COL15A1: variants seen among roughly 807,000 people sequenced by gnomAD.
COL15A1 encodes collagen alpha-1(XV) chain.
In COL15A1, 111 loss-of-function variants were observed where a neutral mutation model predicts 165.9. That is an observed-to-expected ratio of 0.67 (90% CI 0.57 to 0.78). The LOEUF is 0.78. Ranked by LOEUF, COL15A1 falls within the 30% of genes least tolerant of loss-of-function variation. The pLI is 0.00. For synonymous variants in COL15A1, 659 were observed against 674.8 expected (o/e 0.98, Z 0.36); for missense variants, 1,745 against 1,789.7 (o/e 0.98, Z 0.45).
intron 5 of COL15A1, among the ~76,000 whole-genome samples, chr9:98,991,633 C>T (rs1437575030): frequency 6.6e-6 from 1 of 152,100 alleles, no homozygotes; most frequent in African/African-American, 2.4e-5. Flanking sequence ...GTTTACAAAC[C>T]TTGAGCTAGA....
intron 35 of COL15A1, among the ~76,000 whole-genome samples, chr9:99,058,597 T>C (rs559692964): frequency 6.6e-6 from 1 of 152,342 alleles, no homozygotes; most frequent in Admixed American, 6.5e-5. Flanking sequence ...GGATTGCTTC[T>C]CACATAATGT....
chr9:99,066,744 G>A, intron 39 of COL15A1, 138 bp from the exon 40 acceptor site: 1 of 695,650 alleles, frequency 1.4e-6, no homozygotes, highest in East Asian at 2.7e-5. Flanking sequence ...TCCAATGTCA[G>A]GGAGGGATTG....
At chr9:98,986,763 T>A (rs963592310) in intron 3 of COL15A1, among the ~76,000 whole-genome samples, 24 of 152,066 alleles carry the variant, frequency 1.6e-4, no homozygotes, top group African/African-American at 5.6e-4. Context: ...TTATCTGGAG[T>A]AGAGTGAAAG....
intron 35 of COL15A1, among the ~76,000 whole-genome samples, chr9:99,057,699 G>A (rs540273539): frequency 2.0e-5 from 3 of 152,138 alleles, no homozygotes; most frequent in Non-Finnish European, 4.4e-5. Context: ...TAGCTCCAAA[G>A]CCTGTGTTAT....
At chr9:98,953,646 G>T (rs753059061) in intron 2 of COL15A1, among the ~76,000 whole-genome samples, 48 of 152,270 alleles carry the variant, frequency 3.2e-4, no homozygotes, top group Admixed American at 8.5e-4. Context: ...TATTCTGAGG[G>T]CCCTGGTATC....
chr9:98,969,635 CATAGGGAGGGAGTCAGGGCAATGGGA>C (rs1838014030), intron 2 of COL15A1, among the ~76,000 whole-genome samples: 1 of 152,166 alleles, frequency 6.6e-6, no homozygotes, highest in African/African-American at 2.4e-5. Context: ...TGCCCCCAGC[CATAGGGAGGGAGTCAGGGCAATGGGA>C]ATAGAGAGGC....
chr9:98,982,944 C>G (rs1402832416), intron 2 of COL15A1, among the ~76,000 whole-genome samples: 1 of 152,172 alleles, frequency 6.6e-6, no homozygotes, highest in Non-Finnish European at 1.5e-5. Context: ...CCATGATATC[C>G]ACCACTTTTT....
intron 16 of COL15A1, among the ~76,000 whole-genome samples, chr9:99,026,357 G>A (rs536937134): frequency 1.1e-4 from 16 of 152,110 alleles, no homozygotes; most frequent in African/African-American, 2.9e-4. Context: ...CTTCTCATTC[G>A]CACGGTGGCC....
intron 35 of COL15A1, among the ~76,000 whole-genome samples, chr9:99,057,927 G>A (rs930500666): frequency 5.9e-5 from 9 of 152,206 alleles, no homozygotes; most frequent in African/African-American, 1.9e-4. Context: ...TGATAGAAAC[G>A]TAACTCAAAG....
At chr9:99,049,609 C>G in intron 28 of COL15A1, 81 bp from the exon 29 acceptor site, 2 of 1,571,576 alleles carry the variant, frequency 1.3e-6, no homozygotes, top group South Asian at 1.1e-5. Context: ...TCCTTTCCTT[C>G]CTCTGGAGGA....
intron 2 of COL15A1, 64 bp from the exon 3 acceptor site, chr9:98,985,501 T>C (rs1838293746): frequency 2.0e-6 from 3 of 1,468,900 alleles, no homozygotes; most frequent in Non-Finnish European, 2.7e-6. Context: ...ACTGCGTTTC[T>C]TCCTCATTTT....
chr9:98,986,445 T>G (rs1234629465), intron 3 of COL15A1: 1 of 222,358 alleles, frequency 4.5e-6, no homozygotes, highest in Non-Finnish European at 8.9e-6. Context: ...TTTTAAGATT[T>G]TATATAAAAG....
At chr9:99,003,379 G>A (rs1423498949) in intron 7 of COL15A1, 74 bp from the exon 8 acceptor site, 1 of 1,237,618 alleles carries the variant, frequency 8.1e-7, no homozygotes, top group East Asian at 2.8e-5. Flanking sequence ...AGGCTAGGCA[G>A]TCTGTTCTCA....
chr9:99,015,381 G>A (rs752093455), intron 9 of COL15A1, 36 bp from the exon 10 acceptor site: 22 of 1,548,636 alleles, frequency 1.4e-5, no homozygotes, highest in East Asian at 4.5e-5. Context: ...GGGCATGGGC[G>A]AAGGGGCACA....
Position 99,036,180 on chromosome 9 carries a change from G to C in COL15A1, c.2300G>C (p.Gly767Ala). 6.2e-7 allele frequency: 1 copy of C among 1,611,970 alleles called. No individual in the cohort carries two copies. Among genetic ancestry groups the C allele is most frequent in the Non-Finnish European group, 8.5e-7 (1 of 1,178,176 alleles). ...TGTTTATTTTTCCAGGGTCTCAAAG[G>C]AGAGAAAGGAGACCGGGGACCCAAG... ...SRPTAAIGLKGEKGDRGPKGE... is the reference protein window; with the variant it reads ...SRPTAAIGLKAEKGDRGPKGE... The change falls in exon 20 of 42, where the codon GGA becomes GCA. Residue 767 changes from glycine (G) to alanine (A), a missense_variant. By Grantham distance (60) the Gly-to-Ala change is moderately conservative. Coordinates refer to ENST00000375001, the MANE Select transcript of COL15A1 (RefSeq NM_001855.5).
chr9:99,035,369 G>C lies in COL15A1; in HGVS notation c.2240G>C (p.Ser747Thr). ...CCCCAGGATACCGAAGGCTCTGGAA[G>C]CACCCAGCTATTGAATGAACCCAAA... ...LGFEDTEGSG[S>T]TQLLNEPKLS... The change falls in exon 19 of 42, where the codon AGC becomes ACC. Residue 747 changes from serine to threonine, a missense_variant. Ser to Thr is a moderately conservative substitution (Grantham distance 58). Transcript: ENST00000375001. The C allele has an allele frequency of 6.2e-7, 1 of 1,614,138 alleles. No individual in the cohort carries two copies. Among genetic ancestry groups the C allele is most frequent in the Non-Finnish European group, 8.5e-7 (1 of 1,180,026 alleles).
At chr9:98,975,395 G>A (rs1275149100) in intron 2 of COL15A1, among the ~76,000 whole-genome samples, 2 of 152,248 alleles carry the variant, frequency 1.3e-5, no homozygotes, top group Admixed American at 1.3e-4. Context: ...AGGGGAAACC[G>A]AGGCCCAGCG....
At chr9:99,020,549 C>A (rs564598207) in intron 12 of COL15A1, 107 bp downstream of exon 12, 13 of 781,202 alleles carry the variant, frequency 1.7e-5, no homozygotes, top group East Asian at 5.2e-5. Flanking sequence ...ATCGCAGAAG[C>A]AGCAAGAGGG....
At chr9:99,060,042 C>A in intron 36 of COL15A1, 89 bp downstream of exon 36, 2 of 1,435,238 alleles carry the variant, frequency 1.4e-6, no homozygotes, top group South Asian at 1.3e-5. Context: ...TCTGACATCC[C>A]TTGGGGATCA....
Sources: gnomAD v4.1 joint callset for allele counts (sites outside exome capture counted in the v4.1 genomes callset) on GRCh38, gnomAD v4.1.1 for gene constraint, MANE v1.5 for transcripts, NCBI Gene and HGNC (gene_info 2026-07-23, HGNC 2026-07-21) for gene names.